The following MALRD1 variants were observed in gnomAD, a reference collection of about 807,000 sequenced individuals.
MALRD1 encodes the protein MAM and LDL-receptor class A domain-containing protein 1.
MALRD1 carries 247 observed loss-of-function variants against 242.1 expected under a neutral mutation model. The ratio of observed to expected loss-of-function variants is 1.02; its 90% CI spans 0.92 to 1.13. The LOEUF (loss-of-function observed/expected upper bound fraction) is 1.13. MALRD1 is among the 50% of genes most tolerant of loss of function. The probability of loss-of-function intolerance (pLI) is 0.00; values close to 1 mark genes in which losing one functional copy is unlikely to be tolerated. For missense variants in MALRD1, 2,989 were observed against 2,533.1 expected (o/e 1.18, Z -3.86); for synonymous variants, 995 against 866.6 (o/e 1.15, Z -2.60).
At chr10:19,052,792 A>G (rs1279891368) in intron 1 of MALRD1, among the ~76,000 whole-genome samples, 2 of 152,132 alleles carry the variant, frequency 1.3e-5, no homozygotes, top group African/African-American at 2.4e-5. Context: ...TGGCTGAAGC[A>G]TAGGTTGTAA....
intron 30 of MALRD1, among the ~76,000 whole-genome samples, chr10:19,495,973 CAA>C (rs1225435143): frequency 6.6e-6 from 1 of 152,118 alleles, no homozygotes; most frequent in Non-Finnish European, 1.5e-5. Context: ...TCAAGAAAGA[CAA>C]TGACTGTAGA....
chr10:19,546,286 T>C (rs1458046597), intron 32 of MALRD1, among the ~76,000 whole-genome samples: 1 of 152,222 alleles, frequency 6.6e-6, no homozygotes, highest in South Asian at 2.1e-4. Context: ...ATTTCTTTGA[T>C]GTAAAGCACT....
chr10:19,619,776 G>T (rs1263876280), intron 36 of MALRD1, among the ~76,000 whole-genome samples: 2 of 151,896 alleles, frequency 1.3e-5, no homozygotes, highest in Non-Finnish European at 2.9e-5. Flanking sequence ...CTGATAATTT[G>T]TTCAAGATAT....
At chr10:19,374,377 G>A (rs1044487371) in intron 26 of MALRD1, among the ~76,000 whole-genome samples, 6 of 152,122 alleles carry the variant, frequency 3.9e-5, no homozygotes, top group African/African-American at 1.4e-4. Context: ...TAGTTTACAT[G>A]ATAAATGTTC....
chr10:19,283,156 C>G lies in MALRD1; in HGVS notation c.3394C>G (p.His1132Asp), dbSNP rs1035784026. Residue 1132 changes from histidine to aspartate, a missense_variant, in exon 21 of 40, where the codon CAC becomes GAC. Coordinates refer to ENST00000454679, the MANE Select transcript of MALRD1 (RefSeq NM_001142308.3). ...CAGCATTCATCATGGGGAAGAAAAC[C>G]ACAGGCCATCAGTGGATCATACACA... ...GISIHHGEEN[H>D]RPSVDHTQNT... The G allele has an allele frequency of 1.4e-5, 22 of 1,547,676 alleles. No individual in the cohort carries two copies. The highest frequency in any genetic ancestry group is 1.9e-5 in the Non-Finnish European group (22 of 1,145,360).
At chr10:19,356,044 T>A (rs11009595) in intron 26 of MALRD1, among the ~76,000 whole-genome samples, 118,106 of 150,366 alleles carry the variant, frequency 0.79, 46,942 homozygotes, top group African/African-American at 0.9. Context: ...AATTGTTGAA[T>A]TGGTTGGATG....
intron 26 of MALRD1, among the ~76,000 whole-genome samples, chr10:19,371,180 T>A (rs1242912398): frequency 6.6e-6 from 1 of 151,542 alleles, no homozygotes; most frequent in East Asian, 1.9e-4. Flanking sequence ...GCCCAGGAGT[T>A]GGAGGCTGCA....
chr10:19,697,195 G>T (rs991963950), intron 38 of MALRD1, among the ~76,000 whole-genome samples: 10 of 152,174 alleles, frequency 6.6e-5, no homozygotes, highest in African/African-American at 2.4e-4. Flanking sequence ...TCATGCAATT[G>T]TGGGGACTGG....
chr10:19,431,088 G>C (rs999301213), intron 28 of MALRD1, among the ~76,000 whole-genome samples: 6 of 152,100 alleles, frequency 3.9e-5, no homozygotes, highest in Admixed American at 2.6e-4. Context: ...GTAGTTTGCT[G>C]TGCCTATCAA....
intron 18 of MALRD1, among the ~76,000 whole-genome samples, chr10:19,221,420 T>C (rs923858709): frequency 1.6e-4 from 24 of 152,194 alleles, no homozygotes; most frequent in African/African-American, 5.8e-4. Context: ...ATGAATCCTG[T>C]GTGAGCAACA....
intron 33 of MALRD1, among the ~76,000 whole-genome samples, chr10:19,592,753 A>G (rs1344594276): frequency 1.3e-4 from 15 of 116,224 alleles, no homozygotes; most frequent in African/African-American, 3.2e-4. Context: ...ACACACACAC[A>G]CACACACACG....
intron 9 of MALRD1, among the ~76,000 whole-genome samples, chr10:19,134,523 G>A (rs1427315161): frequency 1.3e-5 from 2 of 150,830 alleles, no homozygotes; most frequent in Non-Finnish European, 3.0e-5. Flanking sequence ...GCACCAACAT[G>A]ATATATGGAA....
Position 19,698,545 on chromosome 10 carries a change from C to T in MALRD1, c.6314+5991C>T, listed in dbSNP as rs74119734. On this transcript the variant is annotated intron_variant, in intron 38 of 39. Coordinates refer to ENST00000454679, the MANE Select transcript of MALRD1 (RefSeq NM_001142308.3). Reference sequence around the variant, plus strand: ...TGAAGTTATTGTCTTTTGAATAGTGCGGTATCTTTGGTGAGAAGTTTTTCC... The same window carrying T: ...TGAAGTTATTGTCTTTTGAATAGTGTGGTATCTTTGGTGAGAAGTTTTTCC... Among the ~76,000 whole-genome samples the T allele has an allele frequency of 3.5e-3, 532 of 152,112 alleles. 7 individuals carry two copies. Among genetic ancestry groups the T allele is most frequent in the African/African-American group, 0.012 (518 of 41,494 alleles).
At chr10:19,293,638 G>A (rs1036855963) in intron 21 of MALRD1, among the ~76,000 whole-genome samples, 3 of 152,062 alleles carry the variant, frequency 2.0e-5, no homozygotes, top group Admixed American at 1.3e-4. Flanking sequence ...CATATTTAGC[G>A]AACTATAATG....
rs538158589 is a variant in MALRD1, at chr10:19,162,039, C to G, written c.1657-3598C>G. On this transcript the variant is annotated intron_variant, in intron 12 of 39. Transcript: ENST00000454679. ...TGAAACTCTGTCTCAAGAACAACAA[C>G]AACAGCAACAACAACAACAACAACA... 7.2e-4 allele frequency among the ~76,000 whole-genome samples: 101 copies of G among 140,650 alleles called. 1 individual carries two copies. Among genetic ancestry groups the G allele is most frequent in the African/African-American group, 2.6e-3 (95 of 36,696 alleles). The allele number at this position is 140,650 out of a possible 152,430, so 92.3% of individuals were successfully genotyped here.
chr10:19,224,264 A>G (rs966760773), intron 18 of MALRD1, among the ~76,000 whole-genome samples: 2 of 148,760 alleles, frequency 1.3e-5, no homozygotes, highest in African/African-American at 2.5e-5. Context: ...ATGGTATCTC[A>G]TTGGACCAGG....
intron 3 of MALRD1, 28 bp from the exon 4 acceptor site, chr10:19,087,996 T>C: frequency 8.1e-7 from 1 of 1,233,222 alleles, no homozygotes; most frequent in Non-Finnish European, 1.0e-6. Flanking sequence ...TTTATCATAA[T>C]TGTTTGGGTA....
intron 21 of MALRD1, among the ~76,000 whole-genome samples, chr10:19,306,689 A>G (rs999057494): frequency 2.6e-5 from 4 of 151,290 alleles, no homozygotes; most frequent in African/African-American, 7.3e-5. Context: ...AGTAATTTAT[A>G]CATAAAAGAG....
intron 28 of MALRD1, among the ~76,000 whole-genome samples, chr10:19,442,137 C>T (rs916737003): frequency 2.6e-5 from 4 of 152,024 alleles, no homozygotes; most frequent in African/African-American, 9.7e-5. Flanking sequence ...CTCTGTTAGT[C>T]TGTTATTGGT....
Sources: gnomAD v4.1 joint callset for allele counts (sites outside exome capture counted in the v4.1 genomes callset) on GRCh38, gnomAD v4.1.1 for gene constraint, MANE v1.5 for transcripts, NCBI Gene and HGNC (gene_info 2026-07-23, HGNC 2026-07-21) for gene names.